The following AKAP6 variants were observed in gnomAD, a reference collection of about 807,000 sequenced individuals.
AKAP6 encodes the protein A-kinase anchor protein 6.
Under a neutral mutation model 188.5 loss-of-function variants are expected in AKAP6, and 58 were observed. The observed-to-expected ratio is 0.31, with a 90% CI of 0.25 to 0.38. The LOEUF (loss-of-function observed/expected upper bound fraction) is 0.38. Among genes scored for constraint, AKAP6 ranks in the 10% least tolerant of loss-of-function variants. The pLI, the probability that AKAP6 is intolerant of heterozygous loss-of-function variation, is 1.00. For missense variants in AKAP6, 2,710 were observed against 2,740.0 expected (o/e 0.99, Z 0.24); for synonymous variants, 989 against 998.6 (o/e 0.99, Z 0.18).
chr14:32,659,515 A>C (rs1380816278), intron 7 of AKAP6, among the ~76,000 whole-genome samples: 3 of 152,086 alleles, frequency 2.0e-5, no homozygotes, highest in Non-Finnish European at 4.4e-5. Flanking sequence ...GTGACAGCTC[A>C]AATCTTAAAA....
At chr14:32,752,711 A>G (rs2032185172) in intron 11 of AKAP6, among the ~76,000 whole-genome samples, 1 of 152,160 alleles carries the variant, frequency 6.6e-6, no homozygotes, top group Non-Finnish European at 1.5e-5. Flanking sequence ...AGTCTCTGGC[A>G]ACTGCCATTC....
intron 11 of AKAP6, among the ~76,000 whole-genome samples, chr14:32,759,415 A>T (rs1325868210): frequency 1.3e-5 from 2 of 151,888 alleles, no homozygotes; most frequent in Non-Finnish European, 2.9e-5. Context: ...CATGATTGGG[A>T]GAAATGACTT....
chr14:32,719,507 T>A (rs2030412416), intron 9 of AKAP6, among the ~76,000 whole-genome samples: 1 of 152,324 alleles, frequency 6.6e-6, no homozygotes, highest in South Asian at 2.1e-4. Context: ...TCATTTTTCT[T>A]CTTATCCTCA....
chr14:32,472,339 C>G lies in AKAP6; in HGVS notation c.324+38522C>G, dbSNP rs138879389. ...GAGGGTCTCAGCTGAGAGCAATAAG[C>G]AGTCAACACTGCTTAGCAGGTGGGG... On this transcript the variant is annotated intron_variant, in intron 2 of 13. Coordinates refer to ENST00000280979, the MANE Select transcript of AKAP6 (RefSeq NM_004274.5). Among the ~76,000 whole-genome samples the G allele has an allele frequency of 5.7e-4, 86 of 152,194 alleles. No individual in the cohort carries two copies. In the East Asian group the frequency reaches 0.014, roughly 25 times the overall value.
At chr14:32,535,897 G>C (rs1326567652) in intron 3 of AKAP6, 92 bp downstream of exon 3, 1 of 1,514,366 alleles carries the variant, frequency 6.6e-7, no homozygotes, top group Non-Finnish European at 8.9e-7. Context: ...GGAATTCTTT[G>C]TAGGTAAATA....
At chr14:32,778,519 G>A (rs2033138108) in intron 12 of AKAP6, among the ~76,000 whole-genome samples, 2 of 151,738 alleles carry the variant, frequency 1.3e-5, no homozygotes, top group South Asian at 4.2e-4. Flanking sequence ...CATGTGATAA[G>A]ATAAAATATA....
intron 1 of AKAP6, among the ~76,000 whole-genome samples, chr14:32,408,045 A>G (rs1889355525): frequency 6.6e-6 from 1 of 152,160 alleles, no homozygotes. Flanking sequence ...ACCCATGCAA[A>G]TAATTGGCTT....
At chr14:32,396,377 C>CGAT (rs1465932258) in intron 1 of AKAP6, among the ~76,000 whole-genome samples, 1 of 152,130 alleles carries the variant, frequency 6.6e-6, no homozygotes, top group African/African-American at 2.4e-5. Flanking sequence ...GGTTGTCTAC[C>CGAT]TATCAGTCAT....
chr14:32,483,034 G>C (rs1879446570), intron 2 of AKAP6, among the ~76,000 whole-genome samples: 1 of 134,092 alleles, frequency 7.5e-6, no homozygotes, highest in Non-Finnish European at 1.6e-5. Context: ...TGGTAATTTT[G>C]TTAGATATAA....
intron 2 of AKAP6, among the ~76,000 whole-genome samples, chr14:32,478,546 A>G (rs1387507294): frequency 6.6e-6 from 1 of 152,052 alleles, no homozygotes; most frequent in Non-Finnish European, 1.5e-5. Flanking sequence ...GACCTCTACC[A>G]TAAAAAAAAC....
chr14:32,448,886 A>G (rs77461377), intron 2 of AKAP6, among the ~76,000 whole-genome samples: 3,940 of 152,256 alleles, frequency 0.026, 57 homozygotes, highest in East Asian at 0.078. Flanking sequence ...TCTACAAGGG[A>G]GATATTATTC....
chr14:32,670,263 G>A (rs1889125846), intron 7 of AKAP6, among the ~76,000 whole-genome samples: 1 of 152,068 alleles, frequency 6.6e-6, no homozygotes, highest in Non-Finnish European at 1.5e-5. Context: ...CATGACACAT[G>A]GGGATTATGG....
chr14:32,650,581 A>G (rs1461647552), intron 7 of AKAP6, among the ~76,000 whole-genome samples: 1 of 152,196 alleles, frequency 6.6e-6, no homozygotes, highest in Non-Finnish European at 1.5e-5. Context: ...ACTGTACTCC[A>G]GCGTGGGCAA....
chr14:32,530,693 G>A (rs144581749), intron 2 of AKAP6, among the ~76,000 whole-genome samples: 112 of 152,244 alleles, frequency 7.4e-4, no homozygotes, highest in African/African-American at 2.5e-3. Flanking sequence ...AGCATTCAGA[G>A]CAATCACAAG....
intron 1 of AKAP6, among the ~76,000 whole-genome samples, chr14:32,372,374 C>T (rs540804807): frequency 6.0e-4 from 91 of 151,678 alleles, no homozygotes; most frequent in African/African-American, 2.0e-3. Flanking sequence ...ATTAGCAGGC[C>T]GAGGAGGGGA....
intron 1 of AKAP6, among the ~76,000 whole-genome samples, chr14:32,380,921 G>A (rs188546812): frequency 5.9e-5 from 9 of 152,084 alleles, no homozygotes; most frequent in African/African-American, 1.9e-4. Flanking sequence ...TTTTTAGCAG[G>A]CCTTATACAT....
chr14:32,549,806 C>A (rs950035557), intron 4 of AKAP6, among the ~76,000 whole-genome samples: 1 of 152,154 alleles, frequency 6.6e-6, no homozygotes, highest in African/African-American at 2.4e-5. Context: ...AGGATTTGAA[C>A]CCATAACCAG....
At chr14:32,466,827 T>TTTTATATATATATATATATATATATA (rs1555331122) in intron 2 of AKAP6, among the ~76,000 whole-genome samples, 3 of 115,084 alleles carry the variant, frequency 2.6e-5, no homozygotes, top group East Asian at 2.6e-4. Context: ...AAAAACAAGA[T>TTTTATATATATATATATATATATATA]TATATATATA....
intron 12 of AKAP6, among the ~76,000 whole-genome samples, chr14:32,780,215 TAAAAA>T (rs537357237): frequency 3.0e-4 from 44 of 145,804 alleles, no homozygotes; most frequent in African/African-American, 1.0e-3. Context: ...TATTTGGCCT[TAAAAA>T]AAAAGGAGAT....
Sources: gnomAD v4.1 joint callset for allele counts (sites outside exome capture counted in the v4.1 genomes callset) on GRCh38, gnomAD v4.1.1 for gene constraint, MANE v1.5 for transcripts, NCBI Gene and HGNC (gene_info 2026-07-23, HGNC 2026-07-21) for gene names.